The following TLDC2 variants were observed in gnomAD, a reference collection of about 807,000 sequenced individuals.
TLDC2 encodes the protein TBC/LysM-associated domain containing 2, also known as TLD domain-containing protein 2.
A neutral mutation model predicts 27.9 loss-of-function variants in TLDC2; 23 were observed. The ratio of observed to expected loss-of-function variants is 0.82; its 90% CI spans 0.59 to 1.17. TLDC2 has a LOEUF of 1.17. Ranked by LOEUF, TLDC2 falls within the 50% of genes most tolerant of loss-of-function variation. The probability of loss-of-function intolerance (pLI) is 0.00; values close to 1 mark genes in which losing one functional copy is unlikely to be tolerated. For synonymous variants in TLDC2, 124 were observed against 107.4 expected (o/e 1.16, Z -0.96); for missense variants, 286 against 273.4 (o/e 1.05, Z -0.32).
chr20:36,879,461 G>A (rs1989752813), intron 3 of TLDC2, among the ~76,000 whole-genome samples: 1 of 152,228 alleles, frequency 6.6e-6, no homozygotes, highest in South Asian at 2.1e-4. Flanking sequence ...CTCTCTTGGA[G>A]CTAATGGTCT....
chr20:36,885,105 G>A (rs531679019), intron 4 of TLDC2, among the ~76,000 whole-genome samples: 1 of 152,212 alleles, frequency 6.6e-6, no homozygotes, highest in South Asian at 2.1e-4. Flanking sequence ...TTGAACTCCT[G>A]ACCTCAGGTG....
intron 5 of TLDC2, 79 bp downstream of exon 5, chr20:36,887,607 C>T: frequency 7.2e-7 from 1 of 1,398,480 alleles, no homozygotes; most frequent in Non-Finnish European, 1.0e-6. Flanking sequence ...CTGGGCTAGG[C>T]TGCCCTTGAT....
chr20:36,890,267 C>T (rs1319888919), intron 6 of TLDC2: 1 of 152,172 alleles, frequency 6.6e-6, no homozygotes, highest in Non-Finnish European at 1.5e-5. Context: ...TTCCCTTACC[C>T]AGTTGAAGTG....
chr20:36,892,898 G>C lies in TLDC2; in HGVS notation c.*54G>C. The C allele has an allele frequency of 6.2e-7, 1 of 1,613,154 alleles. No individual in the cohort carries two copies. Among genetic ancestry groups the C allele is most frequent in the Non-Finnish European group, 8.5e-7 (1 of 1,179,174 alleles). On this transcript the variant is annotated 3_prime_UTR_variant, in exon 7 of 7. Transcript: ENST00000217320. ...TGAAGCCTCTAAATGAATTGTGCAG[G>C]AGAGGGAGTTTGTAAACAACTGACT... is the stretch of plus-strand genomic sequence containing the variant.
intron 5 of TLDC2, among the ~76,000 whole-genome samples, chr20:36,888,678 G>A (rs574813103): frequency 1.1e-4 from 14 of 125,816 alleles, no homozygotes; most frequent in Non-Finnish European, 1.8e-4. Flanking sequence ...TGCACTCCAG[G>A]CTGGGCGACA....
At chr20:36,886,923 C>T (rs899838864) in intron 4 of TLDC2, among the ~76,000 whole-genome samples, 1 of 152,100 alleles carries the variant, frequency 6.6e-6, no homozygotes, top group African/African-American at 2.4e-5. Context: ...GAACAGATCA[C>T]GCAGATTGCA....
chr20:36,892,904 G>T lies in TLDC2; in HGVS notation c.*60G>T, dbSNP rs756982727. 4.3e-6 allele frequency: 7 copies of T among 1,613,434 alleles called. No homozygotes were observed. The South Asian group carries it at 7.7e-5, about 18-fold the overall frequency. ...CTCTAAATGAATTGTGCAGGAGAGG[G>T]AGTTTGTAAACAACTGACTACAGAC... On this transcript the variant is annotated 3_prime_UTR_variant, in exon 7 of 7. Transcript: ENST00000217320.
rs759227004 is a variant in TLDC2, at chr20:36,880,705, T to C, written c.393T>C (p.Tyr131=). Residue 131 remains tyrosine (Y), a synonymous_variant, in exon 4 of 7, where the codon TAT becomes TAC. Coordinates refer to ENST00000217320, the MANE Select transcript of TLDC2 (RefSeq NM_080628.3). The part of the protein sequence containing the change: ...SSAIRLSKGF[Y]GTGETFLFSF... ...CTATCCGACTCAGCAAAGGCTTCTA[T>C]GGTACTGGCGAGACATTCCTCTTCT... 30 of 1,614,132 alleles carry C rather than the reference T, an allele frequency of 1.9e-5. No homozygotes were observed. The highest frequency in any genetic ancestry group is 2.5e-5 in the Non-Finnish European group (30 of 1,180,048).
At chr20:36,882,323 G>A (rs1447847402) in intron 4 of TLDC2, among the ~76,000 whole-genome samples, 8 of 152,118 alleles carry the variant, frequency 5.3e-5, no homozygotes, top group African/African-American at 9.7e-5. Flanking sequence ...CAGGAGGATC[G>A]CTTGAGCCCA....
chr20:36,887,264 A>C (rs537185657), intron 4 of TLDC2, among the ~76,000 whole-genome samples, 191 bp from the exon 5 acceptor site: 1 of 152,220 alleles, frequency 6.6e-6, no homozygotes, highest in East Asian at 1.9e-4. Context: ...ACTAGAGGGC[A>C]TGCGGTGGTG....
In TLDC2 at chr20:36,879,134, C is replaced by T. The variant is rs375544929; in HGVS notation, c.283C>T (p.Arg95Trp). ...RDGFSLQSLY[R>W]RMEGCSGPVL... Reference sequence around the variant, plus strand: ...CGGTTTCAGCCTGCAGAGCCTGTACCGGCGGATGGAGGGCTGCAGCGGGCC... The same window carrying T: ...CGGTTTCAGCCTGCAGAGCCTGTACTGGCGGATGGAGGGCTGCAGCGGGCC... Residue 95 changes from arginine to tryptophan, a missense_variant, in exon 3 of 7, where the codon CGG (arginine) becomes TGG (tryptophan). Transcript: ENST00000217320. The T allele has an allele frequency of 3.6e-5, 58 of 1,614,012 alleles. No homozygotes were observed. Among genetic ancestry groups the T allele is most frequent in the Admixed American group, 1.2e-4 (7 of 59,998 alleles).
chr20:36,893,148 G>A lies in TLDC2; in HGVS notation c.*304G>A, dbSNP rs542086135. 180 of 1,527,454 alleles carry A rather than the reference G, an allele frequency of 1.2e-4. No homozygotes were observed. Among genetic ancestry groups the A allele is most frequent in the Non-Finnish European group, 1.5e-4 (166 of 1,113,652 alleles). 94.6% of individuals were successfully genotyped at this position (1,527,454 alleles called of 1,614,324 possible). On this transcript the variant is annotated 3_prime_UTR_variant, in exon 7 of 7. Transcript: ENST00000217320. ...ATTTCTGAGTGAAAGTCTCAAGTGC[G>A]CACATCCTCATCTTGCATATAGATT...
intron 3 of TLDC2, 124 bp from the exon 4 acceptor site, chr20:36,880,531 C>A: frequency 1.4e-6 from 1 of 713,098 alleles, no homozygotes; most frequent in Admixed American, 2.6e-5. Flanking sequence ...CCCCATGCCC[C>A]AGCTCTGCCC....
rs756975217 is a variant in TLDC2 at position 36,889,420 on chromosome 20, A to C, written c.*17+17A>C. ...CGGCAACAGGTACTCAGCCCTGCTCATGATGCCACCCAGGCCTTCCTGACA... is the reference window on the plus strand; with the variant it reads ...CGGCAACAGGTACTCAGCCCTGCTCCTGATGCCACCCAGGCCTTCCTGACA... On this transcript the variant is annotated intron_variant, in intron 6 of 6. Transcript: ENST00000217320. 4 of 1,607,336 alleles carry C rather than the reference A, an allele frequency of 2.5e-6. No individual in the cohort carries two copies. The highest frequency in any genetic ancestry group is 3.4e-6 in the Non-Finnish European group (4 of 1,177,556).
chr20:36,887,916 G>C (rs932224908), intron 5 of TLDC2, among the ~76,000 whole-genome samples: 10 of 152,114 alleles, frequency 6.6e-5, no homozygotes, highest in African/African-American at 2.2e-4. Context: ...ACGGGGTAGA[G>C]AGAGGTAGGA....
At chr20:36,892,566 G>C (rs1601107842) in intron 6 of TLDC2, 1 of 294,206 alleles carries the variant, frequency 3.4e-6, no homozygotes, top group East Asian at 9.1e-5. Flanking sequence ...TGAGGCAGGA[G>C]GGTCGCTTGA....
At chr20:36,877,694 C>G (rs189228887) in intron 1 of TLDC2, among the ~76,000 whole-genome samples, 1 of 152,276 alleles carries the variant, frequency 6.6e-6, no homozygotes, top group Admixed American at 6.5e-5. Context: ...CCTCAGCTGG[C>G]AGGGGCCAGG....
intron 4 of TLDC2, among the ~76,000 whole-genome samples, chr20:36,885,635 CG>C (rs1006532827): frequency 6.6e-6 from 1 of 152,142 alleles, no homozygotes; most frequent in African/African-American, 2.4e-5. Context: ...GAGCATAGGA[CG>C]TATCTTTTAT....
chr20:36,877,533 C>T (rs540963384), intron 1 of TLDC2, among the ~76,000 whole-genome samples: 75 of 152,288 alleles, frequency 4.9e-4, no homozygotes, highest in Middle Eastern at 3.4e-3. Context: ...AGGGCTATGC[C>T]ACCACCTGCC....
Sources: gnomAD v4.1 joint callset for allele counts (sites outside exome capture counted in the v4.1 genomes callset) on GRCh38, gnomAD v4.1.1 for gene constraint, MANE v1.5 for transcripts, NCBI Gene and HGNC (gene_info 2026-07-23, HGNC 2026-07-21) for gene names.